The following FGF2 variants were observed in gnomAD, a reference collection of about 807,000 sequenced individuals.
FGF2 encodes the protein basic fibroblast growth factor bFGF.
FGF2 carries 13 observed loss-of-function variants against 15.9 expected under a neutral mutation model. That is an observed-to-expected ratio of 0.82 (90% CI 0.53 to 1.30). The LOEUF (loss-of-function observed/expected upper bound fraction) is 1.30, where lower values mean the gene tolerates loss of function less well. Among genes scored for constraint, FGF2 ranks in the 50% most tolerant of loss-of-function variants. The pLI is 0.00. For missense variants in FGF2, 163 were observed against 196.9 expected (o/e 0.83, Z 1.03); for synonymous variants, 90 against 78.4 (o/e 1.15, Z -0.78).
At chr4:122,835,051 C>T (rs1725835481) in intron 1 of FGF2, among the ~76,000 whole-genome samples, 1 of 152,140 alleles carries the variant, frequency 6.6e-6, no homozygotes, top group Non-Finnish European at 1.5e-5. Context: ...ACAACTTTGA[C>T]CCCCTATTAT....
chr4:122,827,983 C>T lies in FGF2; in HGVS notation c.178+631C>T, dbSNP rs1217528036. Reference sequence around the variant, plus strand: ...TTTGTTTCAGTAGTGAAAAGAAGTGCAAACACTTTAATCTTCCACCTGCAG... The same window carrying T: ...TTTGTTTCAGTAGTGAAAAGAAGTGTAAACACTTTAATCTTCCACCTGCAG... On this transcript the variant is annotated intron_variant, in intron 1 of 2. Transcript: ENST00000644866. The surrounding 1 kb of genome is among the most constrained non-coding windows in gnomAD (Gnocchi z 4.2). 2.6e-5 allele frequency among the ~76,000 whole-genome samples: 4 copies of T among 152,214 alleles called. No individual in the cohort carries two copies. The highest frequency in any genetic ancestry group is 4.1e-4 in the South Asian group (2 of 4,834).
chr4:122,878,976 A>G (rs571500251), intron 2 of FGF2, among the ~76,000 whole-genome samples: 1 of 152,366 alleles, frequency 6.6e-6, no homozygotes, highest in South Asian at 2.1e-4. Context: ...AAAGATGTTC[A>G]GTGAGTAGTT....
intron 1 of FGF2, among the ~76,000 whole-genome samples, chr4:122,868,191 T>C (rs951870407): frequency 2.0e-5 from 3 of 152,184 alleles, no homozygotes; most frequent in Non-Finnish European, 4.4e-5. Flanking sequence ...GGGATACATA[T>C]GCAGAACGTG....
chr4:122,833,567 T>G (rs972738960), intron 1 of FGF2, among the ~76,000 whole-genome samples: 1 of 152,194 alleles, frequency 6.6e-6, no homozygotes, highest in Non-Finnish European at 1.5e-5. Flanking sequence ...TTAGGCACCT[T>G]AAGATGCTGG....
Position 122,896,578 on chromosome 4 carries a change from A to G in FGF2, c.*4182A>G, listed in dbSNP as rs1015358906. The G allele has an allele frequency of 6.6e-6, 1 of 152,202 alleles. No individual in the cohort carries two copies. The highest frequency in any genetic ancestry group is 1.5e-5 in the Non-Finnish European group (1 of 68,024). 9.4% of individuals were successfully genotyped at this position (152,202 alleles called of 1,614,324 possible). On this transcript the variant is annotated 3_prime_UTR_variant, in exon 3 of 3. Transcript: ENST00000644866. ...TCAGCATTCACACCACTACAAAATC[A>G]TCTTTTATATCAACAGAAGAATAAG...
rs147667588 is a variant in FGF2 at position 122,828,621 on chromosome 4, C to G, written c.178+1269C>G. Among the ~76,000 whole-genome samples the G allele has an allele frequency of 1.6e-3, 236 of 152,248 alleles. 1 individual carries two copies. Among genetic ancestry groups the G allele is most frequent in the African/African-American group, 5.5e-3 (230 of 41,528 alleles). ...AAGAGAAGAAAATTCTACAACCAAACGTGAATTGGCAGAAGAATGGGCAAT... is the reference window on the plus strand; with the variant it reads ...AAGAGAAGAAAATTCTACAACCAAAGGTGAATTGGCAGAAGAATGGGCAAT... On this transcript the variant is annotated intron_variant, in intron 1 of 2. Coordinates refer to ENST00000644866, the MANE Select transcript of FGF2 (RefSeq NM_001361665.2).
intron 1 of FGF2, among the ~76,000 whole-genome samples, chr4:122,830,816 CAAAAAAAAA>C (rs35597051): frequency 3.3e-4 from 31 of 92,818 alleles, no homozygotes; most frequent in African/African-American, 8.5e-4. Context: ...CTCTTATTTA[CAAAAAAAAA>C]AAAAAAAAAA....
At chr4:122,857,412 G>T (rs141030851) in intron 1 of FGF2, among the ~76,000 whole-genome samples, 1 of 151,984 alleles carries the variant, frequency 6.6e-6, no homozygotes, top group African/African-American at 2.4e-5. Flanking sequence ...CCTGTATTGC[G>T]CCTGGAGCTT....
chr4:122,833,829 A>G (rs1486484131), intron 1 of FGF2, among the ~76,000 whole-genome samples: 1 of 152,204 alleles, frequency 6.6e-6, no homozygotes. Context: ...ATATATAGCA[A>G]AGTTATATTT....
In FGF2 at chr4:122,844,601, T is replaced by C. The variant is rs186997684; in HGVS notation, c.178+17249T>C. Among the ~76,000 whole-genome samples the C allele has an allele frequency of 7.1e-3, 1,066 of 149,854 alleles. 8 individuals carry two copies. The highest frequency in any genetic ancestry group is 0.025 in the African/African-American group (989 of 40,182). On this transcript the variant is annotated intron_variant, in intron 1 of 2. Transcript: ENST00000644866. ...TTTCTTTCTTTCTTCCTTCCTTCCTTCCTTCCTTCCTTCCTTTCTTTCTTC... is the reference window on the plus strand; with the variant it reads ...TTTCTTTCTTTCTTCCTTCCTTCCTCCCTTCCTTCCTTCCTTTCTTTCTTC...
intron 1 of FGF2, among the ~76,000 whole-genome samples, chr4:122,848,394 G>T (rs1231604539): frequency 1.3e-5 from 2 of 152,212 alleles, no homozygotes; most frequent in African/African-American, 4.8e-5. Context: ...CCAGAAGAAA[G>T]GACATAATTA....
chr4:122,832,165 G>A (rs1043060723), intron 1 of FGF2, among the ~76,000 whole-genome samples: 16 of 152,138 alleles, frequency 1.1e-4, no homozygotes, highest in African/African-American at 3.1e-4. Context: ...CCTATGTCCC[G>A]TAGCACACGT....
In FGF2 at chr4:122,878,469, G is replaced by A. The variant is rs1258430493; in HGVS notation, c.282+2045G>A. Among the ~76,000 whole-genome samples the A allele has an allele frequency of 2.6e-5, 4 of 152,166 alleles. No individual in the cohort carries two copies. In the South Asian group the frequency reaches 8.3e-4, roughly 31 times the overall value. ...TAATTAACTAATGCTGGAATGTATAGTGCAATGGAGTAACTAGGTGGAAGG... is the reference window on the plus strand; with the variant it reads ...TAATTAACTAATGCTGGAATGTATAATGCAATGGAGTAACTAGGTGGAAGG... On this transcript the variant is annotated intron_variant, in intron 2 of 2. Coordinates refer to ENST00000644866, the MANE Select transcript of FGF2 (RefSeq NM_001361665.2).
intron 1 of FGF2, among the ~76,000 whole-genome samples, chr4:122,868,888 TTA>T (rs1726665411): frequency 6.6e-6 from 1 of 152,166 alleles, no homozygotes; most frequent in Non-Finnish European, 1.5e-5. Flanking sequence ...GCTTTTTTCC[TTA>T]TGTTTGTTGG....
chr4:122,879,645 A>G (rs1726922467), intron 2 of FGF2, among the ~76,000 whole-genome samples: 1 of 152,212 alleles, frequency 6.6e-6, no homozygotes. Context: ...GCAATTTACA[A>G]AAGAAAGAGG....
chr4:122,897,719 A>T lies in FGF2; in HGVS notation c.*5323A>T. ...AGAAAATAAAGTTAACATAACTTTCACTAACACACACATATGTAGATTTCA... is the reference window on the plus strand; with the variant it reads ...AGAAAATAAAGTTAACATAACTTTCTCTAACACACACATATGTAGATTTCA... On this transcript the variant is annotated 3_prime_UTR_variant, in exon 3 of 3. Coordinates refer to ENST00000644866, the MANE Select transcript of FGF2 (RefSeq NM_001361665.2). The T allele has an allele frequency of 2.4e-6, 3 of 1,234,176 alleles. No homozygotes were observed. Among genetic ancestry groups the T allele is most frequent in the East Asian group, 2.3e-5 (1 of 43,018 alleles). The allele number at this position is 1,234,176 out of a possible 1,614,324, so 76.5% of individuals were successfully genotyped here. A position where few individuals can be genotyped will look rare whatever the true frequency, so the allele number is the denominator to read the frequency against.
rs1445514854 is a variant in FGF2 at position 122,827,164 on chromosome 4, C to G, written c.-11C>G. ...GCGGCTCGGGGATCCCGGCCGGGCC[C>G]CGCAGGGACCATGGCAGCCGGGAGC... On this transcript the variant is annotated 5_prime_UTR_variant, in exon 1 of 3. Transcript: ENST00000644866. The surrounding 1 kb of genome is among the most constrained non-coding windows in gnomAD (Gnocchi z 4.2). 1.3e-6 allele frequency: 2 copies of G among 1,529,110 alleles called. No individual in the cohort carries two copies. The highest frequency in any genetic ancestry group is 4.0e-5 in the Admixed American group (2 of 49,846). The allele number at this position is 1,529,110 out of a possible 1,614,324, so 94.7% of individuals were successfully genotyped here. A position where few individuals can be genotyped will look rare whatever the true frequency, so the allele number is the denominator to read the frequency against.
At chr4:122,867,187 C>T (rs1050261505) in intron 1 of FGF2, among the ~76,000 whole-genome samples, 19 of 152,076 alleles carry the variant, frequency 1.2e-4, no homozygotes, top group Admixed American at 9.8e-4. Flanking sequence ...TGTAGGGTGA[C>T]GAAAATGTTC....
At chr4:122,844,648 T>C (rs986240336) in intron 1 of FGF2, among the ~76,000 whole-genome samples, 15 of 150,430 alleles carry the variant, frequency 1.0e-4, no homozygotes, top group African/African-American at 3.7e-4. Flanking sequence ...TCTTTCTTTC[T>C]TTTTTTTTGA....
Sources: gnomAD v4.1 joint callset for allele counts (sites outside exome capture counted in the v4.1 genomes callset) on GRCh38, gnomAD v4.1.1 for gene constraint, Gnocchi (gnomAD v3.1) non-coding constraint, MANE v1.5 for transcripts, NCBI Gene and HGNC (gene_info 2026-07-23, HGNC 2026-07-21) for gene names.